Variants in SLC35F4 observed in about 807,000 individuals in gnomAD.
The protein encoded by SLC35F4 is chromosome 14 open reading frame 36.
In SLC35F4, 24 loss-of-function variants were observed where a neutral mutation model predicts 44.2. That is an observed-to-expected ratio of 0.54 (90% confidence interval 0.39 to 0.76). SLC35F4 has a LOEUF of 0.76. Among genes scored for constraint, SLC35F4 ranks in the 30% least tolerant of loss-of-function variants. SLC35F4 has a pLI of 0.00. For missense variants in SLC35F4, 562 were observed against 586.1 expected, an observed-to-expected ratio of 0.96 and a Z score of 0.42; for synonymous variants, 238 against 223.6, an observed-to-expected ratio of 1.06 and a Z score of -0.57.
At chr14:57,870,124 C>CTGTGTGTGTGTG (rs34282878), upstream of SLC35F4, among the ~76,000 whole-genome samples, 166 of 146,168 alleles carry the variant, frequency 1.1e-3, no homozygotes, top group African/African-American at 3.4e-3. Flanking sequence ...TGTCTATGAT[C>CTGTGTGTGTGTG]TGTGTGTGTG....
intron 1 of SLC35F4, among the ~76,000 whole-genome samples, chr14:57,662,009 A>G (rs2074154211): frequency 6.6e-6 from 1 of 152,200 alleles, no homozygotes; most frequent in African/African-American, 2.4e-5. Flanking sequence ...AAATGTGTCC[A>G]TGATTTAAAA....
chr14:57,702,128 C>G (rs2075557243), intron 1 of SLC35F4, among the ~76,000 whole-genome samples: 1 of 152,188 alleles, frequency 6.6e-6, no homozygotes, highest in Admixed American at 6.5e-5. Context: ...TGACCAGCCA[C>G]TGCCTGTCCC....
Position 57,605,939 on chromosome 14 carries a change from G to C in SLC35F4, c.104-11815C>G, listed in dbSNP as rs114114323. Reference sequence around the variant, plus strand: ...TAGACATGGTCATAAAAATGGGAACGATAAACACTGGGGAAGACAAGAGGG... The same window carrying C: ...TAGACATGGTCATAAAAATGGGAACCATAAACACTGGGGAAGACAAGAGGG... On this transcript the variant is annotated intron_variant, in intron 1 of 7. Transcript: ENST00000556826. 4.0e-3 allele frequency among the ~76,000 whole-genome samples: 604 copies of C among 152,172 alleles called. 8 individuals carry two copies. The highest frequency in any genetic ancestry group is 0.014 in the African/African-American group (590 of 41,518).
intron 1 of SLC35F4, among the ~76,000 whole-genome samples, chr14:57,665,560 G>C (rs1368710623): frequency 6.6e-6 from 1 of 152,190 alleles, no homozygotes; most frequent in African/African-American, 2.4e-5. Flanking sequence ...CAGAACTGAA[G>C]TGACTGAATA....
chr14:57,584,185 C>T (rs992541387), intron 3 of SLC35F4, among the ~76,000 whole-genome samples: 1 of 152,042 alleles, frequency 6.6e-6, no homozygotes, highest in African/African-American at 2.4e-5. Flanking sequence ...TCCTAAATTT[C>T]AAATTCACTT....
At chr14:57,587,803 A>G (rs2069863988) in intron 3 of SLC35F4, among the ~76,000 whole-genome samples, 2 of 150,840 alleles carry the variant, frequency 1.3e-5, no homozygotes, top group Admixed American at 1.3e-4. Flanking sequence ...GTTACTGCAA[A>G]AGGTGATCAA....
At chr14:57,645,369 T>C (rs1846714301) in intron 1 of SLC35F4, among the ~76,000 whole-genome samples, 1 of 152,232 alleles carries the variant, frequency 6.6e-6, no homozygotes, top group African/African-American at 2.4e-5. Flanking sequence ...AGGTATTTTA[T>C]TCTCTTTGAA....
At position 57,758,740 on chromosome 14, in the gene SLC35F4, T is replaced by C. The variant is rs150401822; in HGVS notation, c.103+106983A>G. 7.6e-3 allele frequency among the ~76,000 whole-genome samples: 1,154 copies of C among 152,310 alleles called. 34 individuals are homozygous for C. Among genetic ancestry groups the C allele is most frequent in the Admixed American group, 0.058 (882 of 15,298 alleles). ...CCAGGTGTTGTAAATTGTTGGACTT[T>C]GGATTTTTCTTTTACTGTAAAAACC... On this transcript the variant is annotated intron_variant, in intron 1 of 7. Transcript: ENST00000556826.
At chr14:57,760,142 T>C (rs961971057) in intron 1 of SLC35F4, among the ~76,000 whole-genome samples, 3 of 152,154 alleles carry the variant, frequency 2.0e-5, no homozygotes, top group African/African-American at 7.2e-5. Flanking sequence ...GTTGTTATCG[T>C]CTAGGAGTTT....
chr14:57,965,427 TTGGC>T, intron 1 of SLC35F4, among the ~76,000 whole-genome samples: 1 of 152,292 alleles, frequency 6.6e-6, no homozygotes, highest in Admixed American at 6.5e-5. Flanking sequence ...TATCTTGAGA[TTGGC>T]TGTTTATCAG....
At chr14:57,715,358 T>A (rs2075914735) in intron 1 of SLC35F4, among the ~76,000 whole-genome samples, 1 of 152,198 alleles carries the variant, frequency 6.6e-6, no homozygotes, top group Admixed American at 6.5e-5. Flanking sequence ...TTGCTCAGTA[T>A]CATCTTGGCA....
chr14:57,589,618 G>T, intron 2 of SLC35F4, 105 bp from the exon 3 acceptor site: 2 of 1,173,516 alleles, frequency 1.7e-6, no homozygotes, highest in South Asian at 1.7e-5. Context: ...GAGGCAGACA[G>T]TAGAATTACC....
intron 1 of SLC35F4, among the ~76,000 whole-genome samples, chr14:57,782,364 G>A (rs1438323037): frequency 6.7e-6 from 1 of 148,516 alleles, no homozygotes; most frequent in Non-Finnish European, 1.5e-5. Context: ...GAAAAACTGA[G>A]TAGCCTAGAA....
Position 57,865,921 on chromosome 14 carries a change from C to T in SLC35F4, c.-96G>A, listed in dbSNP as rs1197340812. On this transcript the variant is annotated 5_prime_UTR_variant, in exon 1 of 8. Coordinates refer to ENST00000556826, the MANE Select transcript of SLC35F4 (RefSeq NM_001306087.2). ...AGGTGCCGGAGCCGCTGGTGCTGAT[C>T]TTGCAGCTCCTGCTCCCGCGCCCGG... 1 of 739,582 alleles carries T rather than the reference C, an allele frequency of 1.4e-6. No individual in the cohort carries two copies. Among genetic ancestry groups the T allele is most frequent in the Non-Finnish European group, 2.0e-6 (1 of 497,696 alleles). The allele number at this position is 739,582 out of a possible 1,614,324, so 45.8% of individuals were successfully genotyped here. A position where few individuals can be genotyped will look rare whatever the true frequency, so the allele number is the denominator to read the frequency against.
At chr14:57,664,001 G>GA (rs5808931) in intron 1 of SLC35F4, among the ~76,000 whole-genome samples, 34,791 of 150,414 alleles carry the variant, frequency 0.23, 3,964 homozygotes, top group South Asian at 0.31. Flanking sequence ...AGTTTTCATT[G>GA]AAAAAAAAAA....
At chr14:57,769,762 G>C (rs2077318178) in intron 1 of SLC35F4, among the ~76,000 whole-genome samples, 2 of 152,168 alleles carry the variant, frequency 1.3e-5, no homozygotes, top group Non-Finnish European at 2.9e-5. Context: ...TTTCTTGGGT[G>C]CTTAGGGATT....
At chr14:57,725,993 T>G (rs934671762) in intron 1 of SLC35F4, among the ~76,000 whole-genome samples, 2 of 152,150 alleles carry the variant, frequency 1.3e-5, no homozygotes, top group East Asian at 3.9e-4. Context: ...CAACAATGAT[T>G]CCATTAAACT....
At chr14:57,938,359 C>G (rs566793656) in intron 1 of SLC35F4, among the ~76,000 whole-genome samples, 1 of 152,244 alleles carries the variant, frequency 6.6e-6, no homozygotes, top group African/African-American at 2.4e-5. Flanking sequence ...GATCAACAGT[C>G]CAGTGTAATT....
intron 1 of SLC35F4, among the ~76,000 whole-genome samples, chr14:57,848,859 G>A (rs2140980091): frequency 6.6e-6 from 1 of 152,240 alleles, no homozygotes; most frequent in Middle Eastern, 3.4e-3. Context: ...ACATGCTGAG[G>A]ATCCACCTTG....
Sources: allele counts gnomAD v4.1 joint callset (sites outside exome capture counted in the v4.1 genomes callset), GRCh38; gene constraint gnomAD v4.1.1; transcripts MANE v1.5; gene names NCBI Gene and HGNC (gene_info 2026-07-23, HGNC 2026-07-21).